NOL4: variants seen among roughly 807,000 people sequenced by gnomAD.
NOL4 encodes cancer/testis antigen 125.
NOL4 carries 17 observed loss-of-function variants against 75.9 expected under a neutral mutation model. The observed-to-expected ratio is 0.22, with a 90% CI of 0.15 to 0.34. The LOEUF is 0.34. Among genes scored for constraint, NOL4 ranks in the 10% least tolerant of loss-of-function variants. The pLI is 1.00. For missense variants in NOL4, 614 were observed against 793.5 expected, an observed-to-expected ratio of 0.77 and a Z score of 2.72; for synonymous variants, 292 against 289.9, an observed-to-expected ratio of 1.01 and a Z score of -0.07.
chr18:34,158,182 T>G (rs1257835127), intron 1 of NOL4, among the ~76,000 whole-genome samples: 2 of 152,176 alleles, frequency 1.3e-5, no homozygotes, highest in African/African-American at 4.8e-5. Context: ...CTTTACCATA[T>G]ATACACTCAA....
In NOL4 at chr18:34,187,370, C is replaced by CTTTTT. The variant is rs545524361; in HGVS notation, c.264+35615_264+35619dup. 1.2e-3 allele frequency among the ~76,000 whole-genome samples: 92 copies of CTTTTT among 78,338 alleles called. 1 individual carries two copies. The highest frequency in any genetic ancestry group is 2.2e-3 in the African/African-American group (36 of 16,166). The allele number at this position is 78,338 out of a possible 152,430, so 51.4% of individuals were successfully genotyped here. A position where few individuals can be genotyped will look rare whatever the true frequency, so the allele number is the denominator to read the frequency against. ...CTTTTCATGGTTTAATAGTCCACTT[C>CTTTTT]TTTTTTTTTTTTTTTTTTTTTTTTT... On this transcript the variant is annotated intron_variant, in intron 1 of 10. Coordinates refer to ENST00000261592, the MANE Select transcript of NOL4 (RefSeq NM_003787.5).
At chr18:33,999,324 A>T (rs145489107) in intron 6 of NOL4, among the ~76,000 whole-genome samples, 2 of 151,702 alleles carry the variant, frequency 1.3e-5, no homozygotes, top group Admixed American at 1.3e-4. Flanking sequence ...GATAATGCTA[A>T]TTTTTTTATT....
chr18:34,027,969 G>A (rs2075430810), intron 5 of NOL4, among the ~76,000 whole-genome samples: 1 of 152,046 alleles, frequency 6.6e-6, no homozygotes, highest in Non-Finnish European at 1.5e-5. Context: ...AACTGTTTCT[G>A]TCAGAATAAA....
intron 6 of NOL4, among the ~76,000 whole-genome samples, chr18:34,016,928 C>T (rs1342020719): frequency 6.6e-6 from 1 of 152,034 alleles, no homozygotes; most frequent in Admixed American, 6.6e-5. Context: ...GTTTATCCTG[C>T]AAAAGGATGT....
At chr18:33,927,268 A>G (rs1008329917) in intron 9 of NOL4, among the ~76,000 whole-genome samples, 1 of 152,206 alleles carries the variant, frequency 6.6e-6, no homozygotes, top group Non-Finnish European at 1.5e-5. Flanking sequence ...ATCATGTAAA[A>G]TGCTATTTTG....
At chr18:34,094,320 G>T (rs1568333278) in intron 4 of NOL4, among the ~76,000 whole-genome samples, 5 of 152,094 alleles carry the variant, frequency 3.3e-5, no homozygotes, top group Admixed American at 2.0e-4. Flanking sequence ...TATATATTAG[G>T]TTCAAAGTCC....
chr18:34,129,496 T>C (rs2080537065), intron 2 of NOL4, among the ~76,000 whole-genome samples: 1 of 151,760 alleles, frequency 6.6e-6, no homozygotes, highest in Non-Finnish European at 1.5e-5. Flanking sequence ...TGGAAAATAA[T>C]TGTTGACAGT....
At chr18:33,899,756 T>C (rs956788960) in intron 9 of NOL4, among the ~76,000 whole-genome samples, 1 of 152,172 alleles carries the variant, frequency 6.6e-6, no homozygotes, top group African/African-American at 2.4e-5. Flanking sequence ...CATTTTGTTT[T>C]ACCCTGGGGT....
chr18:33,867,321 T>A lies in NOL4; in HGVS notation c.1724-14286A>T, dbSNP rs184624404. 1.2e-3 allele frequency among the ~76,000 whole-genome samples: 177 copies of A among 152,236 alleles called. 2 individuals carry two copies. The highest frequency in any genetic ancestry group is 0.011 in the Admixed American group (175 of 15,264). Reference sequence around the variant, plus strand: ...GTTCAAGTTCAAACTCATTAGTAAATTTTTACTATTTTCTTGAGTTATCAG... The same window carrying A: ...GTTCAAGTTCAAACTCATTAGTAAAATTTTACTATTTTCTTGAGTTATCAG... On this transcript the variant is annotated intron_variant, in intron 10 of 10. Transcript: ENST00000261592.
At chr18:34,208,486 T>C (rs2036277877) in intron 1 of NOL4, among the ~76,000 whole-genome samples, 1 of 151,734 alleles carries the variant, frequency 6.6e-6, no homozygotes, top group African/African-American at 2.4e-5. Context: ...ACAAGATTCA[T>C]ATAAAGTCCT....
intron 10 of NOL4, among the ~76,000 whole-genome samples, chr18:33,854,545 C>A (rs910274573): frequency 6.6e-6 from 1 of 151,984 alleles, no homozygotes; most frequent in Admixed American, 6.6e-5. Context: ...TCATTAACAT[C>A]ATTGAGTTTA....
intron 6 of NOL4, among the ~76,000 whole-genome samples, chr18:34,006,432 G>A (rs1193101197): frequency 6.6e-6 from 1 of 152,008 alleles, no homozygotes; most frequent in Non-Finnish European, 1.5e-5. Context: ...CCAATTTGCT[G>A]AGTACCCAAT....
intron 6 of NOL4, among the ~76,000 whole-genome samples, 188 bp downstream of exon 6, chr18:34,019,130 T>A (rs999534277): frequency 2.0e-5 from 3 of 152,210 alleles, no homozygotes; most frequent in African/African-American, 7.2e-5. Flanking sequence ...CGATTCATTT[T>A]GCTATTATTC....
chr18:34,111,670 G>A (rs1042081922), intron 2 of NOL4, among the ~76,000 whole-genome samples: 3 of 152,022 alleles, frequency 2.0e-5, no homozygotes, highest in Non-Finnish European at 4.4e-5. Context: ...TAAGACATAG[G>A]CAAAAGACAT....
chr18:34,191,919 AC>A (rs772742778), intron 1 of NOL4, among the ~76,000 whole-genome samples: 3 of 152,108 alleles, frequency 2.0e-5, no homozygotes, highest in South Asian at 2.1e-4. Context: ...CTACCTACCA[AC>A]CTATTCTCCC....
intron 5 of NOL4, among the ~76,000 whole-genome samples, chr18:34,077,645 G>A (rs1436992152): frequency 6.6e-6 from 1 of 151,752 alleles, no homozygotes; most frequent in African/African-American, 2.4e-5. Flanking sequence ...AATTTTAAGT[G>A]GAATTAAAGT....
At chr18:33,973,985 T>C (rs2071287158) in intron 6 of NOL4, among the ~76,000 whole-genome samples, 1 of 152,230 alleles carries the variant, frequency 6.6e-6, no homozygotes, top group African/African-American at 2.4e-5. Flanking sequence ...CTTTGAAGCT[T>C]TGAAGCCAGG....
intron 1 of NOL4, among the ~76,000 whole-genome samples, chr18:34,133,708 A>G (rs1350029358): frequency 6.6e-6 from 1 of 152,156 alleles, no homozygotes; most frequent in East Asian, 1.9e-4. Context: ...ACACATAGAA[A>G]GAAAGAGAAC....
intron 1 of NOL4, among the ~76,000 whole-genome samples, chr18:34,173,245 G>A (rs1568419071): frequency 6.6e-6 from 1 of 152,050 alleles, no homozygotes; most frequent in Non-Finnish European, 1.5e-5. Flanking sequence ...GAGGCTGGAG[G>A]ATGGGATAAA....
Sources: gnomAD v4.1 joint callset for allele counts (sites outside exome capture counted in the v4.1 genomes callset) on GRCh38, gnomAD v4.1.1 for gene constraint, MANE v1.5 for transcripts, NCBI Gene and HGNC (gene_info 2026-07-23, HGNC 2026-07-21) for gene names.